Variants in RANBP2 observed in about 807,000 individuals in gnomAD.
RANBP2 encodes E3 SUMO-protein ligase RanBP2.
Under a neutral mutation model 303.6 loss-of-function variants are expected in RANBP2, and 57 were observed. The ratio of observed to expected loss-of-function variants is 0.19; its 90% CI spans 0.15 to 0.23. RANBP2 has a LOEUF of 0.23. Among genes scored for constraint, RANBP2 ranks in the 10% least tolerant of loss-of-function variants. The probability of loss-of-function intolerance (pLI) is 1.00; values close to 1 mark genes in which losing one functional copy is unlikely to be tolerated. For synonymous variants in RANBP2, 1,167 were observed against 1,301.5 expected (o/e 0.90, Z 2.23); for missense variants, 3,138 against 3,780.8 (o/e 0.83, Z 4.46).
the RANBP2 span, among the ~76,000 whole-genome samples, chr2:109,662,323 G>C: frequency 6.6e-6 from 1 of 151,986 alleles, no homozygotes; most frequent in Admixed American, 6.6e-5. Context: ...TTTCACTCTT[G>C]TCACCCAGGC....
chr2:108,771,336 G>T (rs1255831601), intron 20 of RANBP2, among the ~76,000 whole-genome samples: 1 of 151,914 alleles, frequency 6.6e-6, no homozygotes, highest in Non-Finnish European at 1.5e-5. Flanking sequence ...GCAAATGCAT[G>T]GATATTTTGG....
the RANBP2 span, among the ~76,000 whole-genome samples, chr2:109,020,995 G>A: frequency 2.8e-4 from 42 of 152,332 alleles, 1 homozygote; most frequent in East Asian, 7.7e-3. Flanking sequence ...TCAGGAGGGT[G>A]CCTGGGGTGC....
the RANBP2 span, among the ~76,000 whole-genome samples, chr2:109,283,158 A>T: frequency 6.6e-6 from 1 of 152,176 alleles, no homozygotes; most frequent in African/African-American, 2.4e-5. Flanking sequence ...CAGCCCAGAA[A>T]TGCCTGTGAT....
the RANBP2 span, among the ~76,000 whole-genome samples, chr2:108,848,215 CAT>C: frequency 1.3e-5 from 2 of 152,038 alleles, no homozygotes; most frequent in African/African-American, 2.4e-5. Context: ...CATTTAATAA[CAT>C]GTAATGTTCA....
At chr2:108,723,216 T>G (rs1694418437) in intron 1 of RANBP2, among the ~76,000 whole-genome samples, 1 of 152,106 alleles carries the variant, frequency 6.6e-6, no homozygotes, top group Non-Finnish European at 1.5e-5. Flanking sequence ...TTCATACTTC[T>G]GAGTAACACA....
chr2:109,767,386 A>G, the RANBP2 span, among the ~76,000 whole-genome samples: 1 of 144,772 alleles, frequency 6.9e-6, no homozygotes, highest in Admixed American at 7.3e-5. Context: ...CTACTCACAT[A>G]TGTAGATCTA....
the RANBP2 span, among the ~76,000 whole-genome samples, chr2:109,511,752 A>G: frequency 6.6e-6 from 1 of 152,192 alleles, no homozygotes; most frequent in Non-Finnish European, 1.5e-5. Flanking sequence ...TTGCTCCACA[A>G]GTCCTTGTCC....
At chr2:109,075,355 G>T in the RANBP2 span, among the ~76,000 whole-genome samples, 1 of 150,098 alleles carries the variant, frequency 6.7e-6, no homozygotes, top group Non-Finnish European at 1.5e-5. Context: ...CCCCCGAGTA[G>T]CTAGGATTAC....
At chr2:109,520,192 T>G in the RANBP2 span, among the ~76,000 whole-genome samples, 2 of 152,216 alleles carry the variant, frequency 1.3e-5, no homozygotes, top group Non-Finnish European at 2.9e-5. Flanking sequence ...GTCTTAAAAC[T>G]GCATGTGAAT....
chr2:108,937,689 G>A, the RANBP2 span, among the ~76,000 whole-genome samples: 3 of 151,808 alleles, frequency 2.0e-5, no homozygotes, highest in Admixed American at 1.3e-4. Flanking sequence ...TGTATGTGAT[G>A]TGTATGTGTG....
At position 108,735,399 on chromosome 2, in the gene RANBP2, G is replaced by A. The variant is rs1695490357; in HGVS notation, c.406-133G>A. ...AGCAACTCTCAGAAGGGATGAATAA[G>A]GTATATAGGATGGTGTTTTTGGTGG... is the stretch of plus-strand genomic sequence containing the variant. On this transcript the variant is annotated intron_variant, in intron 4 of 28. Coordinates refer to ENST00000283195, the MANE Select transcript of RANBP2 (RefSeq NM_006267.5). 5.2e-6 allele frequency: 8 copies of A among 1,545,460 alleles called. No individual in the cohort carries two copies. In the South Asian group the frequency reaches 8.0e-5, roughly 15 times the overall value.
the RANBP2 span, among the ~76,000 whole-genome samples, chr2:109,718,770 G>C: frequency 1.7e-4 from 26 of 152,022 alleles, no homozygotes; most frequent in Non-Finnish European, 1.5e-5. Flanking sequence ...ATGAGGTCAG[G>C]AGATCAAGAC....
the RANBP2 span, among the ~76,000 whole-genome samples, chr2:108,809,397 A>C: frequency 6.7e-6 from 1 of 150,126 alleles, no homozygotes; most frequent in Non-Finnish European, 1.5e-5. Flanking sequence ...TCTGTAGATG[A>C]CTTTGGTTAT....
chr2:109,529,428 G>A, the RANBP2 span, among the ~76,000 whole-genome samples: 1 of 152,160 alleles, frequency 6.6e-6, no homozygotes, highest in Non-Finnish European at 1.5e-5. Flanking sequence ...GAGGCCGGAG[G>A]GTGGGGGCAG....
the RANBP2 span, among the ~76,000 whole-genome samples, chr2:109,606,672 C>CTTTTTTTTTTTTTTTTTTTTTTTTTTTT: frequency 1.4e-5 from 1 of 71,896 alleles, no homozygotes; most frequent in Non-Finnish European, 2.4e-5. Flanking sequence ...AAATTTTAAG[C>CTTTTTTTTTTTTTTTTTTTTTTTTTTTT]TTTTTTTTTT....
chr2:108,945,379 C>T, the RANBP2 span, among the ~76,000 whole-genome samples: 3 of 152,232 alleles, frequency 2.0e-5, no homozygotes, highest in East Asian at 1.9e-4. Context: ...CCCCAAGCAA[C>T]GCCAAGGCAT....
the RANBP2 span, among the ~76,000 whole-genome samples, chr2:108,930,632 T>A: frequency 2.0e-5 from 3 of 151,880 alleles, no homozygotes; most frequent in Non-Finnish European, 4.4e-5. Context: ...GGGGTAGGGG[T>A]CTGAGTCTTC....
the RANBP2 span, among the ~76,000 whole-genome samples, chr2:109,459,925 A>G: frequency 1.3e-5 from 2 of 152,316 alleles, no homozygotes; most frequent in Admixed American, 1.3e-4. Context: ...AAATAGCACC[A>G]TATATTTGAT....
intron 1 of RANBP2, among the ~76,000 whole-genome samples, chr2:108,725,410 G>A (rs1211574930): frequency 1.3e-5 from 2 of 152,154 alleles, no homozygotes; most frequent in Non-Finnish European, 2.9e-5. Context: ...AGAAGGTAAT[G>A]GAATTATTTT....
Sources: gnomAD v4.1 joint callset for allele counts (sites outside exome capture counted in the v4.1 genomes callset) on GRCh38, gnomAD v4.1.1 for gene constraint, MANE v1.5 for transcripts, NCBI Gene and HGNC (gene_info 2026-07-23, HGNC 2026-07-21) for gene names.